Variants in PCDH15 observed in about 807,000 individuals in gnomAD.
PCDH15 encodes the protein protocadherin-15.
A neutral mutation model predicts 178.5 loss-of-function variants in PCDH15; 129 were observed. The ratio of observed to expected loss-of-function variants is 0.72; its 90% confidence interval spans 0.63 to 0.84. The LOEUF is 0.84. Among genes scored for constraint, PCDH15 ranks in the 40% least tolerant of loss-of-function variants. The probability of loss-of-function intolerance (pLI) is 0.00; values close to 1 mark genes in which losing one functional copy is unlikely to be tolerated. For synonymous variants in PCDH15, 800 were observed against 732.0 expected, an observed-to-expected ratio of 1.09 and a Z score of -1.50; for missense variants, 2,230 against 2,099.9, an observed-to-expected ratio of 1.06 and a Z score of -1.21.
At chr10:54,223,415 G>T (rs2053083197) in intron 9 of PCDH15, among the ~76,000 whole-genome samples, 1 of 148,138 alleles carries the variant, frequency 6.8e-6, no homozygotes, top group African/African-American at 2.5e-5. Flanking sequence ...ATTATGTATA[G>T]AAAGTCTTTC....
At chr10:54,192,891 A>T (rs558772255) in intron 11 of PCDH15, among the ~76,000 whole-genome samples, 11 of 152,246 alleles carry the variant, frequency 7.2e-5, no homozygotes, top group East Asian at 5.8e-4. Context: ...CTTTCCTACC[A>T]GTCCCAACTA....
intron 3 of PCDH15, among the ~76,000 whole-genome samples, chr10:54,516,847 G>C (rs2082278160): frequency 2.0e-5 from 3 of 152,178 alleles, no homozygotes; most frequent in African/African-American, 4.8e-5. Flanking sequence ...GCTCATCAGA[G>C]TAACAGCAGA....
At chr10:54,794,404 T>A (rs571638537) in intron 1 of PCDH15, among the ~76,000 whole-genome samples, 125 of 151,898 alleles carry the variant, frequency 8.2e-4, no homozygotes, top group African/African-American at 2.8e-3. Context: ...ATTAATATAA[T>A]GTATGCTATT....
intron 18 of PCDH15, among the ~76,000 whole-genome samples, chr10:54,060,208 C>A (rs191660027): frequency 6.6e-6 from 1 of 152,060 alleles, no homozygotes; most frequent in African/African-American, 2.4e-5. Context: ...AAAGGATAAA[C>A]GCTGTTTATA....
chr10:54,132,210 A>G (rs1187030838), intron 15 of PCDH15, among the ~76,000 whole-genome samples: 1 of 152,220 alleles, frequency 6.6e-6, no homozygotes, highest in Non-Finnish European at 1.5e-5. Context: ...CCCAACTTGA[A>G]GCTGCATATT....
intron 2 of PCDH15, among the ~76,000 whole-genome samples, chr10:54,594,584 T>C (rs1300835711): frequency 6.6e-6 from 1 of 152,132 alleles, no homozygotes; most frequent in Non-Finnish European, 1.5e-5. Context: ...AGACTGCCCA[T>C]GTCCTCCCCA....
intron 1 of PCDH15, among the ~76,000 whole-genome samples, chr10:54,781,854 G>T (rs1438760246): frequency 6.6e-6 from 1 of 152,066 alleles, no homozygotes; most frequent in Admixed American, 6.6e-5. Context: ...TCAAACACGA[G>T]GTTCCTGCTT....
intron 3 of PCDH15, among the ~76,000 whole-genome samples, chr10:54,409,768 G>A (rs1237119571): frequency 6.6e-6 from 1 of 152,104 alleles, no homozygotes; most frequent in African/African-American, 2.4e-5. Flanking sequence ...ATCAAGATTA[G>A]ATAAGGTCTT....
intron 2 of PCDH15, among the ~76,000 whole-genome samples, chr10:54,622,475 TCCTCTTAA>T (rs1044007930): frequency 1.4e-5 from 2 of 144,442 alleles, no homozygotes; most frequent in East Asian, 2.0e-4. Context: ...TTTGTCCTAA[TCCTCTTAA>T]CCTCTTAACC....
chr10:53,906,884 C>G (rs1382992751), intron 25 of PCDH15: 1 of 151,508 alleles, frequency 6.6e-6, no homozygotes, highest in African/African-American at 2.4e-5. Flanking sequence ...ACCTGACTGT[C>G]CTAGTTTGGG....
At chr10:54,183,712 A>G (rs1174278828) in intron 12 of PCDH15, 119 bp from the exon 13 acceptor site, 11 of 1,188,418 alleles carry the variant, frequency 9.3e-6, no homozygotes, top group Admixed American at 8.8e-5. Context: ...AAGGGTGCAA[A>G]AATATTTTGT....
chr10:54,917,858 A>G (rs548311893), intron 2 of PCDH15, among the ~76,000 whole-genome samples: 83 of 152,290 alleles, frequency 5.5e-4, no homozygotes, highest in Admixed American at 5.4e-3. Flanking sequence ...AAATAAAAGA[A>G]GGAGATATAT....
chr10:54,774,045 T>C (rs866096957), intron 1 of PCDH15, among the ~76,000 whole-genome samples: 3,549 of 101,308 alleles, frequency 0.035, 191 homozygotes, highest in African/African-American at 0.12. Context: ...TTTTTTTTTT[T>C]TGAGACGGAG....
intron 2 of PCDH15, among the ~76,000 whole-genome samples, chr10:55,398,967 G>T (rs1588988159): frequency 6.6e-6 from 1 of 152,076 alleles, no homozygotes; most frequent in African/African-American, 2.4e-5. Context: ...ATGAAAAAAT[G>T]TTGTGTAGAA....
intron 1 of PCDH15, among the ~76,000 whole-genome samples, chr10:55,249,703 C>T (rs1266162419): frequency 6.6e-6 from 1 of 151,712 alleles, no homozygotes; most frequent in East Asian, 1.9e-4. Flanking sequence ...CTAATATTTC[C>T]ATGTAAAAGT....
chr10:54,116,097 A>T (rs901607774), intron 15 of PCDH15, among the ~76,000 whole-genome samples: 1 of 152,194 alleles, frequency 6.6e-6, no homozygotes, highest in African/African-American at 2.4e-5. Context: ...GTATGGAAAA[A>T]GTCCCAGGAG....
chr10:55,598,705 A>C (rs1485959025), intron 2 of PCDH15, among the ~76,000 whole-genome samples: 1 of 151,870 alleles, frequency 6.6e-6, no homozygotes, highest in African/African-American at 2.4e-5. Context: ...TAGTAAATCA[A>C]GAACAGAGTG....
intron 1 of PCDH15, among the ~76,000 whole-genome samples, chr10:54,699,693 C>T (rs374928135): frequency 6.6e-6 from 1 of 151,702 alleles, no homozygotes; most frequent in Admixed American, 6.6e-5. Context: ...ACCTAATATT[C>T]CTTATATTGA....
At chr10:55,236,891 A>G (rs1203594585) in intron 1 of PCDH15, among the ~76,000 whole-genome samples, 1 of 151,466 alleles carries the variant, frequency 6.6e-6, no homozygotes, top group African/African-American at 2.4e-5. Context: ...TGCTGTAATA[A>G]TTTAAAAATA....
Sources: gnomAD v4.1 joint callset for allele counts (sites outside exome capture counted in the v4.1 genomes callset) on GRCh38, gnomAD v4.1.1 for gene constraint, MANE v1.5 for transcripts, NCBI Gene and HGNC (gene_info 2026-07-23, HGNC 2026-07-21) for gene names.